C10orf88: variants seen among roughly 807,000 people sequenced by gnomAD.
C10orf88 encodes the protein chromosome 10 open reading frame 88.
In C10orf88, 29 loss-of-function variants were observed where a neutral mutation model predicts 34.2. That is an observed-to-expected ratio of 0.85 (90% CI 0.63 to 1.16). The LOEUF (loss-of-function observed/expected upper bound fraction) is 1.16, where lower values mean the gene tolerates loss of function less well. Among genes scored for constraint, C10orf88 ranks in the 50% most tolerant of loss-of-function variants. The probability of loss-of-function intolerance (pLI) is 0.00; values close to 1 mark genes in which losing one functional copy is unlikely to be tolerated. For synonymous variants in C10orf88, 194 were observed against 197.4 expected, an observed-to-expected ratio of 0.98 and a Z score of 0.15; for missense variants, 507 against 533.2, an observed-to-expected ratio of 0.95 and a Z score of 0.48.
chr10:122,932,643 A>G lies in C10orf88; in HGVS notation c.1122T>C (p.Ile374=), dbSNP rs1589693039. 6.2e-7 allele frequency: 1 copy of G among 1,608,026 alleles called. No homozygotes were observed. Among genetic ancestry groups the G allele is most frequent in the East Asian group, 2.2e-5 (1 of 44,810 alleles). The change falls in exon 6 of 6, where the codon ATT becomes ATC. Residue 374 remains isoleucine (I), a synonymous_variant. Transcript: ENST00000481909. ...AAAGAATCTTTTCCAAGTAGGAGCA[A>G]ATAGATTGCTCTTCCATTCTAAAAA... ...ILGVGMEEQS[I]CSYLEKILSK...
chr10:122,948,575 AC>A, intron 4 of C10orf88, 73 bp downstream of exon 4: 1 of 1,400,016 alleles, frequency 7.1e-7, no homozygotes, highest in Non-Finnish European at 9.8e-7. Flanking sequence ...ATTTTAAGTC[AC>A]TACATTTCTT....
At chr10:122,942,523 G>C (rs1433714405) in intron 4 of C10orf88, among the ~76,000 whole-genome samples, 1 of 151,542 alleles carries the variant, frequency 6.6e-6, no homozygotes, top group Admixed American at 6.6e-5. Flanking sequence ...GTTCTGGCCA[G>C]GGCAATTAGG....
At chr10:122,941,097 TAAA>T (rs1848576848) in intron 4 of C10orf88, among the ~76,000 whole-genome samples, 1 of 152,078 alleles carries the variant, frequency 6.6e-6, no homozygotes, top group Admixed American at 6.6e-5. Context: ...AATTAAATAA[TAAA>T]GTCATTTTTA....
At chr10:122,952,718 C>A in intron 2 of C10orf88, 111 bp downstream of exon 2, 1 of 1,322,302 alleles carries the variant, frequency 7.6e-7, no homozygotes, top group Non-Finnish European at 1.1e-6. Context: ...TTTTTATCTT[C>A]TCTCCCATAA....
intron 4 of C10orf88, among the ~76,000 whole-genome samples, chr10:122,945,925 C>G (rs930247738): frequency 6.6e-6 from 1 of 151,774 alleles, no homozygotes; most frequent in Non-Finnish European, 1.5e-5. Context: ...GGTGAAACAC[C>G]GTATCTACTA....
In C10orf88 at chr10:122,953,045, T is replaced by C. The variant is rs762101310; in HGVS notation, c.165-13A>G. On this transcript the variant is annotated splice_polypyrimidine_tract_variant and intron_variant, in intron 1 of 5. Transcript: ENST00000481909. ...CACCAGATCCTGACTGAGAAGAAAA[T>C]TGGTGAAAACATCACACAGTATAGT... The C allele has an allele frequency of 3.1e-6, 5 of 1,591,816 alleles. No homozygotes were observed. The highest frequency in any genetic ancestry group is 1.1e-5 in the South Asian group (1 of 90,356).
chr10:122,952,243 G>A (rs1468625831), intron 2 of C10orf88, among the ~76,000 whole-genome samples: 3 of 152,082 alleles, frequency 2.0e-5, no homozygotes, highest in Non-Finnish European at 2.9e-5. Context: ...TATAACATAT[G>A]TACAACCATG....
chr10:122,948,634 T>C lies in C10orf88; in HGVS notation c.648+15A>G, dbSNP rs1401930944. On this transcript the variant is annotated intron_variant, in intron 4 of 5. Coordinates refer to ENST00000481909, the MANE Select transcript of C10orf88 (RefSeq NM_024942.4). ...ATCATTAATGTTATCTGGAAAGAAA[T>C]CCATTTCTACTTACCCGCTGCTGAC... 6.2e-7 allele frequency: 1 copy of C among 1,607,694 alleles called. No individual in the cohort carries two copies. Among genetic ancestry groups the C allele is most frequent in the Non-Finnish European group, 8.5e-7 (1 of 1,176,196 alleles).
At chr10:122,942,929 C>T (rs1326581967) in intron 4 of C10orf88, among the ~76,000 whole-genome samples, 402 of 145,000 alleles carry the variant, frequency 2.8e-3, no homozygotes, top group Non-Finnish European at 4.5e-3. Flanking sequence ...GAATCAATAT[C>T]GTGAAAATGG....
intron 4 of C10orf88, among the ~76,000 whole-genome samples, chr10:122,940,671 T>C (rs1410202935): frequency 3.9e-5 from 6 of 152,044 alleles, no homozygotes; most frequent in Non-Finnish European, 7.4e-5. Context: ...CATGCCACTA[T>C]AGGAAATGAA....
At chr10:122,932,974 T>C (rs1848498366) in intron 5 of C10orf88, among the ~76,000 whole-genome samples, 1 of 152,158 alleles carries the variant, frequency 6.6e-6, no homozygotes, top group South Asian at 2.1e-4. Flanking sequence ...TCTGGCCCAA[T>C]TTTCTTCTAA....
chr10:122,947,898 T>C (rs1185279159), intron 4 of C10orf88, among the ~76,000 whole-genome samples: 1 of 152,212 alleles, frequency 6.6e-6, no homozygotes, highest in Non-Finnish European at 1.5e-5. Context: ...TCCAGCATTA[T>C]GTTACTACGT....
intron 4 of C10orf88, among the ~76,000 whole-genome samples, chr10:122,941,993 A>C (rs1432313977): frequency 1.3e-5 from 2 of 152,098 alleles, no homozygotes; most frequent in Non-Finnish European, 2.9e-5. Context: ...AAACATTTTT[A>C]ATTTTTACCT....
chr10:122,932,245 C>T lies in C10orf88; in HGVS notation c.*182G>A. On this transcript the variant is annotated 3_prime_UTR_variant, in exon 6 of 6. Coordinates refer to ENST00000481909, the MANE Select transcript of C10orf88 (RefSeq NM_024942.4). ...AAATAATTTGACTGTATCATATTAA[C>T]TCAGTGTACAGTACTGGATTTAAAA... 2.0e-6 allele frequency: 1 copy of T among 491,488 alleles called. No homozygotes were observed. The highest frequency in any genetic ancestry group is 3.6e-6 in the Non-Finnish European group (1 of 278,396). The allele number at this position is 491,488 out of a possible 1,614,324, so 30.4% of individuals were successfully genotyped here.
At chr10:122,947,559 C>T (rs1158167900) in intron 4 of C10orf88, among the ~76,000 whole-genome samples, 1 of 152,118 alleles carries the variant, frequency 6.6e-6, no homozygotes, top group Non-Finnish European at 1.5e-5. Flanking sequence ...TTTTCCTCTC[C>T]CTTCACCACC....
Position 122,937,743 on chromosome 10 carries a change from T to C in C10orf88, c.1065A>G (p.Glu355=), listed in dbSNP as rs1376329450. ...TGCGTTCACCATGCTTGGTGATGTTTTCCTGACACTCGGTCTTATTTCCCA... is the reference window on the plus strand; with the variant it reads ...TGCGTTCACCATGCTTGGTGATGTTCTCCTGACACTCGGTCTTATTTCCCA... ...LHVGNKTECQ[E]NITKHGERIL... is the part of the protein sequence containing the mutation. The change falls in exon 5 of 6, where the codon GAA becomes GAG. Residue 355 remains glutamate, a synonymous_variant. Coordinates refer to ENST00000481909, the MANE Select transcript of C10orf88 (RefSeq NM_024942.4). 6.2e-7 allele frequency: 1 copy of C among 1,611,978 alleles called. No individual in the cohort carries two copies. Among genetic ancestry groups the C allele is most frequent in the East Asian group, 2.2e-5 (1 of 44,850 alleles).
chr10:122,940,343 T>C (rs576989079), intron 4 of C10orf88, among the ~76,000 whole-genome samples: 1 of 152,118 alleles, frequency 6.6e-6, no homozygotes, highest in Non-Finnish European at 1.5e-5. Context: ...TCCATTAACA[T>C]GACATATCTA....
At position 122,952,901 on chromosome 10, in the gene C10orf88, A is replaced by G. The variant is rs1408855563; in HGVS notation, c.296T>C (p.Met99Thr). 8.1e-6 allele frequency: 13 copies of G among 1,614,082 alleles called. No homozygotes were observed. Among genetic ancestry groups the G allele is most frequent in the Non-Finnish European group, 1.0e-5 (12 of 1,180,026 alleles). Residue 99 changes from methionine to threonine, a missense_variant, in exon 2 of 6, where the codon ATG (methionine) becomes ACG (threonine). Coordinates refer to ENST00000481909, the MANE Select transcript of C10orf88 (RefSeq NM_024942.4). ...SIGILSSARN[M>T]EVYLGEEYCG... is the part of the protein sequence containing the mutation. ...GTACTCCTCTCCTAAGTACACTTCCATATTTCTTGCTGAACTTAAAATGCC... is the reference window on the plus strand; with the variant it reads ...GTACTCCTCTCCTAAGTACACTTCCGTATTTCTTGCTGAACTTAAAATGCC...
intron 5 of C10orf88, among the ~76,000 whole-genome samples, chr10:122,935,303 A>G (rs577219535): frequency 2.6e-5 from 4 of 152,170 alleles, no homozygotes; most frequent in East Asian, 3.9e-4. Flanking sequence ...ATTTTAATCT[A>G]TAAGTAATTT....
Sources: gnomAD v4.1 joint callset for allele counts (sites outside exome capture counted in the v4.1 genomes callset) on GRCh38, gnomAD v4.1.1 for gene constraint, MANE v1.5 for transcripts, NCBI Gene and HGNC (gene_info 2026-07-23, HGNC 2026-07-21) for gene names.